Variants in BRF1 observed in about 807,000 individuals in gnomAD.
The protein encoded by BRF1 is BRF1 general transcription factor IIIB subunit, also known as transcription factor IIIB 90 kDa subunit.
A neutral mutation model predicts 81.7 loss-of-function variants in BRF1; 59 were observed. The ratio of observed to expected loss-of-function variants is 0.72; its 90% CI spans 0.59 to 0.90. The LOEUF (loss-of-function observed/expected upper bound fraction) is 0.90. Ranked by LOEUF, BRF1 falls within the 40% of genes least tolerant of loss-of-function variation. The pLI, the probability that BRF1 is intolerant of heterozygous loss-of-function variation, is 0.00. For synonymous variants in BRF1, 491 were observed against 395.6 expected, an observed-to-expected ratio of 1.24 and a Z score of -2.86; for missense variants, 1,050 against 936.3, an observed-to-expected ratio of 1.12 and a Z score of -1.58.
intron 6 of BRF1, among the ~76,000 whole-genome samples, chr14:105,229,420 T>A (rs1595334549): frequency 1.3e-5 from 2 of 152,228 alleles, no homozygotes; most frequent in Admixed American, 6.5e-5. Flanking sequence ...GGGATGCCGG[T>A]ACCTGGCCTG....
At position 105,300,411 on chromosome 14, in the gene BRF1, G is replaced by C. The variant is rs780950441; in HGVS notation, c.184+35C>G. ...GCCTCCAGCCCGCCTAAGCCGCACC[G>C]AGAAATCCGCGCAGCGCCAGCCCGC... On this transcript the variant is annotated intron_variant, in intron 1 of 17. Coordinates refer to ENST00000547530, the MANE Select transcript of BRF1 (RefSeq NM_001519.4). 6 of 1,497,216 alleles carry C rather than the reference G, an allele frequency of 4.0e-6. No homozygotes were observed. The East Asian group carries it at 1.6e-4, about 39-fold the overall frequency. 92.7% of individuals were successfully genotyped at this position (1,497,216 alleles called of 1,614,324 possible).
intron 1 of BRF1, chr14:105,314,818 A>C (rs1274334390): frequency 6.2e-6 from 2 of 323,810 alleles, no homozygotes; most frequent in Non-Finnish European, 8.7e-6. Flanking sequence ...CCCGGCAGCC[A>C]TGTGACCGCG....
At chr14:105,310,341 T>C (rs1344295452) in intron 1 of BRF1, among the ~76,000 whole-genome samples, 1 of 151,142 alleles carries the variant, frequency 6.6e-6, no homozygotes, top group Non-Finnish European at 1.5e-5. Context: ...CCATCCTGGC[T>C]AACACGGTGA....
chr14:105,218,992 G>A lies in BRF1; in HGVS notation c.1515+6C>T, dbSNP rs369620135. 1.5e-5 allele frequency: 24 copies of A among 1,613,656 alleles called. No homozygotes were observed. The highest frequency in any genetic ancestry group is 1.3e-4 in the African/African-American group (10 of 74,922). On this transcript the variant is annotated splice_donor_region_variant and intron_variant, in intron 14 of 17. Transcript: ENST00000547530. ...GAAGGCCAGGCCCAGCGTCACAGGC[G>A]CCCACCTTGTGTTCCTTGTAGATGC...
In BRF1 at chr14:105,274,924, C is replaced by T. The variant is rs11620688; in HGVS notation, c.266-2030G>A. Among the ~76,000 whole-genome samples, 1,495 of 152,326 alleles carry T rather than the reference C, an allele frequency of 9.8e-3. 13 individuals are homozygous for T. The highest frequency in any genetic ancestry group is 0.051 in the Middle Eastern group (15 of 294). On this transcript the variant is annotated intron_variant, in intron 2 of 17. Coordinates refer to ENST00000547530, the MANE Select transcript of BRF1 (RefSeq NM_001519.4). ...CCCAGAGGACATGTGTGGTGGGTCA[C>T]GGCTCGATGCAGAGGAATGCTGCCG... is the stretch of plus-strand genomic sequence containing the variant.
intron 2 of BRF1, among the ~76,000 whole-genome samples, chr14:105,275,876 A>G (rs996452672): frequency 1.3e-5 from 2 of 152,274 alleles, no homozygotes; most frequent in East Asian, 3.8e-4. Context: ...CCAGAGAACT[A>G]GCCCAGCTCT....
In BRF1 at chr14:105,229,381, T is replaced by C. The variant is rs587691883; in HGVS notation, c.695-468A>G. ...AGATCATGTGTGCAGATGGAACGGC[T>C]TCTCAGGTGGACTGAATCCTGCAGC... On this transcript the variant is annotated intron_variant, in intron 6 of 17. Coordinates refer to ENST00000547530, the MANE Select transcript of BRF1 (RefSeq NM_001519.4). 4.6e-5 allele frequency among the ~76,000 whole-genome samples: 7 copies of C among 152,330 alleles called. No homozygotes were observed. The South Asian group carries it at 1.2e-3, about 27-fold the overall frequency.
chr14:105,286,159 C>T (rs968803209), intron 2 of BRF1, 137 bp downstream of exon 2: 1 of 999,302 alleles, frequency 1.0e-6, no homozygotes, highest in Non-Finnish European at 1.5e-6. Flanking sequence ...GGAAAGCAGC[C>T]TGGGCTGGGC....
chr14:105,301,493 G>C (rs2058025073), upstream of BRF1, among the ~76,000 whole-genome samples: 1 of 151,728 alleles, frequency 6.6e-6, no homozygotes, highest in African/African-American at 2.4e-5. Context: ...ACCCAACCCC[G>C]GGCTCTGGGA....
At chr14:105,212,584 C>G (rs1260677380) in intron 15 of BRF1, 1 of 182,896 alleles carries the variant, frequency 5.5e-6, no homozygotes, top group African/African-American at 2.4e-5. Flanking sequence ...CTGACAACAC[C>G]CTGCACAGGG....
chr14:105,307,920 C>T (rs1165373042), intron 1 of BRF1, among the ~76,000 whole-genome samples: 2 of 152,202 alleles, frequency 1.3e-5, no homozygotes, highest in Admixed American at 6.5e-5. Flanking sequence ...CAGTGGCTCA[C>T]GCCTGTCATC....
intron 5 of BRF1, chr14:105,249,912 A>G: frequency 6.2e-7 from 1 of 1,611,402 alleles, no homozygotes; most frequent in Non-Finnish European, 8.5e-7. Context: ...CAGACGCTGG[A>G]GATCATTGTC....
chr14:105,289,474 C>T (rs1168977880), intron 1 of BRF1, among the ~76,000 whole-genome samples: 3 of 152,202 alleles, frequency 2.0e-5, no homozygotes, highest in Non-Finnish European at 4.4e-5. Flanking sequence ...CAGGGAGAAA[C>T]GCAGGACTCA....
chr14:105,225,540 A>G (rs1892947383), intron 10 of BRF1, among the ~76,000 whole-genome samples: 2 of 152,186 alleles, frequency 1.3e-5, no homozygotes, highest in Admixed American at 1.3e-4. Flanking sequence ...GTACAACATC[A>G]ATGACAGGTA....
chr14:105,243,157 G>A (rs2054826664), intron 5 of BRF1, among the ~76,000 whole-genome samples: 1 of 151,322 alleles, frequency 6.6e-6, no homozygotes. Context: ...TAGTGGGTGT[G>A]AGGCTGGGTG....
chr14:105,266,163 AG>A (rs2056406591), intron 3 of BRF1, among the ~76,000 whole-genome samples: 2 of 152,108 alleles, frequency 1.3e-5, no homozygotes, highest in Non-Finnish European at 2.9e-5. Flanking sequence ...TAGAAAAAAC[AG>A]GCCAGATACA....
Position 105,240,942 on chromosome 14 carries a change from C to T in BRF1, c.694+323G>A, listed in dbSNP as rs867201145. ...AGGAGAGAGAGGCCACACCACTGTC[C>T]GCGTCAGAAGCCGGGCCCCACGAGA... is the stretch of plus-strand genomic sequence containing the variant. On this transcript the variant is annotated intron_variant, in intron 6 of 17. Transcript: ENST00000547530. Among the ~76,000 whole-genome samples the T allele has an allele frequency of 8.5e-5, 13 of 152,290 alleles. 1 individual carries two copies. In the Middle Eastern group the frequency reaches 0.014, roughly 160 times the overall value.
intron 3 of BRF1, among the ~76,000 whole-genome samples, chr14:105,262,983 G>A (rs1290803181): frequency 6.6e-6 from 1 of 151,914 alleles, no homozygotes; most frequent in African/African-American, 2.4e-5. Flanking sequence ...GCTCACGCCT[G>A]TAATCCCAAC....
intron 1 of BRF1, among the ~76,000 whole-genome samples, chr14:105,313,388 G>A (rs1385287854): frequency 6.6e-6 from 1 of 152,196 alleles, no homozygotes; most frequent in African/African-American, 2.4e-5. Context: ...CCCTCTGCCC[G>A]CCGAGCAGCT....
Sources: gnomAD v4.1 joint callset for allele counts (sites outside exome capture counted in the v4.1 genomes callset) on GRCh38, gnomAD v4.1.1 for gene constraint, MANE v1.5 for transcripts, NCBI Gene and HGNC (gene_info 2026-07-23, HGNC 2026-07-21) for gene names.